Variants in FHIT observed in about 807,000 individuals in gnomAD.
FHIT encodes bis(5'-adenosyl)-triphosphatase.
In FHIT, 19 loss-of-function variants were observed where a neutral mutation model predicts 17.9. The ratio of observed to expected loss-of-function variants is 1.06; its 90% confidence interval spans 0.74 to 1.56. FHIT has a LOEUF of 1.56. FHIT is among the 40% of genes most tolerant of loss of function. FHIT has a pLI of 0.00. For missense variants in FHIT, 248 were observed against 189.2 expected (o/e 1.31, Z -1.82); for synonymous variants, 81 against 69.7 (o/e 1.16, Z -0.81).
intron 5 of FHIT, among the ~76,000 whole-genome samples, chr3:60,029,907 G>GTC (rs1376776648): frequency 6.0e-4 from 79 of 132,626 alleles, no homozygotes; most frequent in East Asian, 4.2e-3. Flanking sequence ...CTGTGTGTGT[G>GTC]TGTGTGTGTG....
chr3:61,066,875 T>G (rs1022072785), intron 2 of FHIT, among the ~76,000 whole-genome samples: 1 of 152,142 alleles, frequency 6.6e-6, no homozygotes, highest in Non-Finnish European at 1.5e-5. Context: ...AAACAGCATG[T>G]GTTATCAACA....
intron 4 of FHIT, among the ~76,000 whole-genome samples, chr3:60,735,329 C>T (rs1402963675): frequency 5.9e-5 from 9 of 152,140 alleles, no homozygotes; most frequent in Admixed American, 5.9e-4. Flanking sequence ...CTGGGGAATC[C>T]CCTTCTCCAG....
intron 5 of FHIT, among the ~76,000 whole-genome samples, chr3:60,179,856 A>G (rs765006461): frequency 1.3e-5 from 2 of 152,174 alleles, no homozygotes; most frequent in East Asian, 1.9e-4. Context: ...TGCATGCTAC[A>G]TGAAAGGAAA....
At chr3:60,688,424 GTGTTTTTTTTTT>G (rs1419140288) in intron 4 of FHIT, among the ~76,000 whole-genome samples, 7 of 144,562 alleles carry the variant, frequency 4.8e-5, no homozygotes, top group Admixed American at 1.4e-4. Context: ...ATTATGTTTT[GTGTTTTTTTTTT>G]TGTTTTTTTT....
At chr3:59,837,505 T>C (rs1215740457) in intron 8 of FHIT, among the ~76,000 whole-genome samples, 1 of 151,070 alleles carries the variant, frequency 6.6e-6, no homozygotes, top group Admixed American at 6.6e-5. Flanking sequence ...CAATCCTCCA[T>C]TGATTGAACC....
intron 8 of FHIT, among the ~76,000 whole-genome samples, chr3:59,871,853 C>A (rs1281101168): frequency 6.6e-6 from 1 of 152,174 alleles, no homozygotes; most frequent in Non-Finnish European, 1.5e-5. Flanking sequence ...CAGAAACTAG[C>A]TGACATTTTG....
intron 3 of FHIT, among the ~76,000 whole-genome samples, chr3:60,894,464 C>A (rs1387189553): frequency 6.6e-6 from 1 of 152,068 alleles, no homozygotes; most frequent in East Asian, 1.9e-4. Context: ...AATTTCACAG[C>A]AATGGGTGAA....
At chr3:59,775,355 C>T (rs60577464) in intron 8 of FHIT, among the ~76,000 whole-genome samples, 6,393 of 152,232 alleles carry the variant, frequency 0.042, 206 homozygotes, top group South Asian at 0.08. Context: ...CCACAGGCTC[C>T]GGCAGATGCA....
chr3:60,303,389 GT>G (rs1403773875), intron 5 of FHIT, among the ~76,000 whole-genome samples: 2 of 152,166 alleles, frequency 1.3e-5, no homozygotes, highest in African/African-American at 4.8e-5. Flanking sequence ...CTGTGACACA[GT>G]AAAGAATTTT....
At chr3:60,357,561 G>C (rs1304202522) in intron 5 of FHIT, among the ~76,000 whole-genome samples, 1 of 152,002 alleles carries the variant, frequency 6.6e-6, no homozygotes, top group Non-Finnish European at 1.5e-5. Flanking sequence ...CACTTTCAAT[G>C]GGTCCCAACA....
chr3:59,750,797 G>GACTT (rs5849296), intron 9 of FHIT: 13 of 210,724 alleles, frequency 6.2e-5, no homozygotes, highest in East Asian at 5.7e-4. Flanking sequence ...ATCCAGTAAA[G>GACTT]ACTTACTTAC....
chr3:60,049,784 CA>C (rs1274598247), intron 5 of FHIT, among the ~76,000 whole-genome samples: 1 of 152,130 alleles, frequency 6.6e-6, no homozygotes, highest in Non-Finnish European at 1.5e-5. Context: ...TTCTACCAGA[CA>C]GGGGTGATCT....
Position 60,624,773 on chromosome 3 carries a change from G to T in FHIT, c.-17-87794C>A, listed in dbSNP as rs189539475. Among the ~76,000 whole-genome samples the T allele has an allele frequency of 3.3e-5, 5 of 152,004 alleles. No homozygotes were observed. In the East Asian group the frequency reaches 9.6e-4, roughly 29 times the overall value. On this transcript the variant is annotated intron_variant, in intron 4 of 9. Coordinates refer to ENST00000492590, the MANE Select transcript of FHIT (RefSeq NM_002012.4). ...TTTCACTTACTGTAATGTTTATAAG[G>T]TTCATCCATGTTGTAACATGTATCA...
intron 5 of FHIT, among the ~76,000 whole-genome samples, chr3:60,484,959 A>G (rs559941852): frequency 3.5e-4 from 53 of 152,208 alleles, no homozygotes; most frequent in Non-Finnish European, 6.9e-4. Flanking sequence ...CAAATTTACA[A>G]GAAAAAAACA....
chr3:60,791,066 G>T (rs1700760781), intron 4 of FHIT, among the ~76,000 whole-genome samples: 1 of 152,148 alleles, frequency 6.6e-6, no homozygotes. Context: ...ATTCAGAGGA[G>T]CCCTAGTGGT....
At chr3:60,339,838 C>T (rs1576500723) in intron 5 of FHIT, among the ~76,000 whole-genome samples, 1 of 152,136 alleles carries the variant, frequency 6.6e-6, no homozygotes, top group East Asian at 1.9e-4. Flanking sequence ...CACCTTGTTG[C>T]TATGCACGCT....
intron 7 of FHIT, among the ~76,000 whole-genome samples, chr3:59,936,868 A>G (rs1706268016): frequency 6.6e-6 from 1 of 152,166 alleles, no homozygotes; most frequent in South Asian, 2.1e-4. Flanking sequence ...TAAAAGTGAT[A>G]AGAAACCTGG....
chr3:60,145,347 G>C (rs539404845), intron 5 of FHIT, among the ~76,000 whole-genome samples: 72 of 152,246 alleles, frequency 4.7e-4, no homozygotes, highest in Non-Finnish European at 7.6e-4. Flanking sequence ...TTCACCACTT[G>C]GGCTTGTACA....
chr3:60,094,804 A>G (rs1337665878), intron 5 of FHIT, among the ~76,000 whole-genome samples: 1 of 62,174 alleles, frequency 1.6e-5, no homozygotes, highest in African/African-American at 9.0e-5. Flanking sequence ...GGGGTGGGGG[A>G]GAGAGAGAGA....
Sources: gnomAD v4.1 joint callset for allele counts (sites outside exome capture counted in the v4.1 genomes callset) on GRCh38, gnomAD v4.1.1 for gene constraint, MANE v1.5 for transcripts, NCBI Gene and HGNC (gene_info 2026-07-23, HGNC 2026-07-21) for gene names.